LRGUK: variants seen among roughly 807,000 people sequenced by gnomAD.
LRGUK encodes the protein leucine rich repeats and guanylate kinase domain containing.
A neutral mutation model predicts 76.0 loss-of-function variants in LRGUK; 65 were observed. The observed-to-expected ratio is 0.85, with a 90% CI of 0.70 to 1.05. The LOEUF (loss-of-function observed/expected upper bound fraction) is 1.05, where lower values mean the gene tolerates loss of function less well. LRGUK is among the 50% of genes least tolerant of loss of function. LRGUK has a pLI of 0.00. For missense variants in LRGUK, 758 were observed against 732.8 expected, an observed-to-expected ratio of 1.03 and a Z score of -0.40; for synonymous variants, 268 against 265.6, an observed-to-expected ratio of 1.01 and a Z score of -0.09.
At chr7:134,178,406 G>A (rs1474185086) in intron 9 of LRGUK, 97 bp from the exon 10 acceptor site, 2 of 755,848 alleles carry the variant, frequency 2.6e-6, no homozygotes, top group African/African-American at 1.8e-5. Context: ...GTACCTGGCT[G>A]CACGTGAACA....
downstream of LRGUK, among the ~76,000 whole-genome samples, chr7:134,267,450 C>G (rs977315020): frequency 4.6e-5 from 7 of 152,190 alleles, no homozygotes; most frequent in Admixed American, 4.6e-4. Flanking sequence ...TGTGTCCCCA[C>G]TATAATCTCA....
intron 9 of LRGUK, among the ~76,000 whole-genome samples, chr7:134,177,279 T>C (rs1397677195): frequency 6.6e-6 from 1 of 152,214 alleles, no homozygotes; most frequent in Admixed American, 6.5e-5. Context: ...GCCTGATGTC[T>C]TGCTGTTAGT....
intron 17 of LRGUK, 50 bp downstream of exon 17, chr7:134,247,694 A>G (rs770524483): frequency 7.3e-7 from 1 of 1,363,666 alleles, no homozygotes. Flanking sequence ...TAGTGTTCAA[A>G]TAGATCAAAT....
chr7:134,232,416 T>A (rs1409449933), intron 16 of LRGUK, among the ~76,000 whole-genome samples: 1 of 152,026 alleles, frequency 6.6e-6, no homozygotes, highest in African/African-American at 2.4e-5. Context: ...GTAGCTGGGA[T>A]TACAGGCACG....
intron 16 of LRGUK, among the ~76,000 whole-genome samples, chr7:134,224,274 C>T (rs1326948152): frequency 6.6e-6 from 1 of 152,352 alleles, no homozygotes; most frequent in Non-Finnish European, 1.5e-5. Flanking sequence ...AGAGGCAGCC[C>T]ATTTCCCAGG....
intron 7 of LRGUK, among the ~76,000 whole-genome samples, chr7:134,173,781 C>T (rs989558077): frequency 1.3e-5 from 2 of 152,074 alleles, no homozygotes; most frequent in African/African-American, 4.8e-5. Context: ...TGAAATAATT[C>T]TCTGTTGGAA....
downstream of LRGUK, among the ~76,000 whole-genome samples, chr7:134,214,444 G>T (rs545934445): frequency 6.6e-6 from 1 of 152,266 alleles, no homozygotes; most frequent in South Asian, 2.1e-4. Flanking sequence ...TATGGGCAAG[G>T]ATGTTCATAT....
At chr7:134,255,757 A>G (rs1345854954) in intron 18 of LRGUK, among the ~76,000 whole-genome samples, 2 of 147,426 alleles carry the variant, frequency 1.4e-5, no homozygotes, top group Non-Finnish European at 2.9e-5. Flanking sequence ...GCCTACATTT[A>G]TACCTGTTTT....
chr7:134,172,546 A>G (rs997374277), intron 7 of LRGUK, among the ~76,000 whole-genome samples: 2 of 152,210 alleles, frequency 1.3e-5, no homozygotes, highest in Non-Finnish European at 2.9e-5. Flanking sequence ...AGTGAAATAC[A>G]TCAGATTGCC....
At chr7:134,199,224 T>C (rs1205873391) in exon 14 of LRGUK, 1 of 1,613,276 alleles carries the variant, frequency 6.2e-7, no homozygotes, top group African/African-American at 1.3e-5. Flanking sequence ...GCACAGGGTG[T>C]AAGAAGTTTG....
At chr7:134,163,328 G>A in intron 6 of LRGUK, 69 bp from the exon 7 acceptor site, 1 of 1,430,590 alleles carries the variant, frequency 7.0e-7, no homozygotes, top group Non-Finnish European at 9.4e-7. Flanking sequence ...TATCCCAAAT[G>A]AAAACTTGCC....
intron 15 of LRGUK, among the ~76,000 whole-genome samples, chr7:134,201,794 A>ACTGC (rs1800783837): frequency 6.6e-6 from 1 of 152,140 alleles, no homozygotes; most frequent in South Asian, 2.1e-4. Flanking sequence ...ACCTCCAGGT[A>ACTGC]CTGCCCTTCA....
At chr7:134,259,991 C>T (rs1802679344) in intron 19 of LRGUK, among the ~76,000 whole-genome samples, 1 of 152,108 alleles carries the variant, frequency 6.6e-6, no homozygotes, top group Non-Finnish European at 1.5e-5. Context: ...TCTAACCCAT[C>T]TGGCCAGAGC....
Position 134,158,279 on chromosome 7 carries a change from T to C in LRGUK, c.795+120T>C, listed in dbSNP as rs149701897. 1.4e-3 allele frequency: 1,252 copies of C among 877,250 alleles called. 2 individuals carry two copies. Among genetic ancestry groups the C allele is most frequent in the Middle Eastern group, 4.9e-3 (14 of 2,836 alleles). 54.3% of individuals were successfully genotyped at this position (877,250 alleles called of 1,614,324 possible). Reference sequence around the variant, plus strand: ...GAGAAAATTCCTTCATGAAATGTTATTGTCTTCAGTTTTGTTTGCTCCTTT... The same window carrying C: ...GAGAAAATTCCTTCATGAAATGTTACTGTCTTCAGTTTTGTTTGCTCCTTT... On this transcript the variant is annotated intron_variant, in intron 6 of 15. Coordinates refer to ENST00000645682, the Ensembl canonical transcript of LRGUK.
At chr7:134,227,045 TA>T (rs544317502) in intron 16 of LRGUK, among the ~76,000 whole-genome samples, 1 of 146,090 alleles carries the variant, frequency 6.8e-6, no homozygotes, top group Non-Finnish European at 1.5e-5. Context: ...AAATCTGGAT[TA>T]AAAAAATATC....
chr7:134,139,608 T>C, intron 3 of LRGUK, 91 bp downstream of exon 3: 3 of 763,414 alleles, frequency 3.9e-6, no homozygotes, highest in Non-Finnish European at 6.4e-6. Context: ...CCAGACTTGA[T>C]ATCACTAATT....
At chr7:134,219,753 A>G (rs1801534333) in intron 15 of LRGUK, among the ~76,000 whole-genome samples, 1 of 151,548 alleles carries the variant, frequency 6.6e-6, no homozygotes, top group Non-Finnish European at 1.5e-5. Context: ...TGAATTCTTT[A>G]CTGTGATGAA....
At chr7:134,264,802 A>G (rs192927758), downstream of LRGUK, among the ~76,000 whole-genome samples, 1 of 152,350 alleles carries the variant, frequency 6.6e-6, no homozygotes, top group Admixed American at 6.5e-5. Context: ...GTACTGGAAA[A>G]TGGTCTTTTC....
At chr7:134,212,611 A>G (rs893836055), downstream of LRGUK, among the ~76,000 whole-genome samples, 11 of 152,258 alleles carry the variant, frequency 7.2e-5, no homozygotes, top group African/African-American at 1.4e-4. Context: ...TGATTTGTCC[A>G]TGATGAAAAT....
Sources: gnomAD v4.1 joint callset for allele counts (sites outside exome capture counted in the v4.1 genomes callset) on GRCh38, gnomAD v4.1.1 for gene constraint, MANE v1.5 for transcripts, NCBI Gene and HGNC (gene_info 2026-07-23, HGNC 2026-07-21) for gene names.